The following ADAD1 variants were observed in gnomAD, a reference collection of about 807,000 sequenced individuals.
ADAD1 encodes adenosine deaminase domain containing 1.
Under a neutral mutation model 66.8 loss-of-function variants are expected in ADAD1, and 46 were observed. That is an observed-to-expected ratio of 0.69 (90% CI 0.54 to 0.88). The LOEUF is 0.88. ADAD1 is among the 40% of genes least tolerant of loss of function. The pLI, the probability that ADAD1 is intolerant of heterozygous loss-of-function variation, is 0.00. For synonymous variants in ADAD1, 248 were observed against 229.4 expected (o/e 1.08, Z -0.73); for missense variants, 617 against 681.8 (o/e 0.91, Z 1.06).
chr4:122,398,823 A>AT (rs540968981), intron 7 of ADAD1, among the ~76,000 whole-genome samples: 103 of 144,356 alleles, frequency 7.1e-4, no homozygotes, highest in Middle Eastern at 7.5e-3. Flanking sequence ...TGATGGGATT[A>AT]TTTTTTTTTT....
rs114746992 is a variant in ADAD1, at chr4:122,388,969, A to G, written c.530-4620A>G. On this transcript the variant is annotated intron_variant, in intron 5 of 12. Transcript: ENST00000296513. ...TTTTAATTGATGTTCGGGTATCAAT[A>G]TCAGATCTTTCTAGCTTTCTGATGT... Among the ~76,000 whole-genome samples, 974 of 152,210 alleles carry G rather than the reference A, an allele frequency of 6.4e-3. 4 individuals carry two copies. The highest frequency in any genetic ancestry group is 0.011 in the South Asian group (51 of 4,816).
rs374635047 is a variant in ADAD1 at position 122,407,800 on chromosome 4, T to C, written c.725-108T>C. On this transcript the variant is annotated intron_variant, in intron 7 of 12. Coordinates refer to ENST00000296513, the MANE Select transcript of ADAD1 (RefSeq NM_139243.4). ...ATTGTGGAATTATTTTTTCATCTTT[T>C]CAGTTAATATATTCTACTAAATTAA... 27 of 1,204,754 alleles carry C rather than the reference T, an allele frequency of 2.2e-5. No homozygotes were observed. The East Asian group carries it at 2.4e-4, about 11-fold the overall frequency. The allele number at this position is 1,204,754 out of a possible 1,614,324, so 74.6% of individuals were successfully genotyped here.
At chr4:122,383,492 T>C (rs1301196769) in intron 4 of ADAD1, among the ~76,000 whole-genome samples, 1 of 152,194 alleles carries the variant, frequency 6.6e-6, no homozygotes, top group Non-Finnish European at 1.5e-5. Flanking sequence ...TAGTGGAGTG[T>C]TTACCATTGC....
chr4:122,386,585 G>A (rs1003609014), intron 5 of ADAD1, among the ~76,000 whole-genome samples: 1 of 152,096 alleles, frequency 6.6e-6, no homozygotes, highest in African/African-American at 2.4e-5. Context: ...ATCGCTTTTA[G>A]CATTTTTAAC....
chr4:122,423,993 A>G (rs1238823917), intron 12 of ADAD1, among the ~76,000 whole-genome samples: 2 of 152,146 alleles, frequency 1.3e-5, no homozygotes, highest in African/African-American at 4.8e-5. Context: ...AAATTTTGTG[A>G]CTCGTGAATT....
At chr4:122,421,513 G>A in intron 12 of ADAD1, 123 bp downstream of exon 12, 1 of 935,622 alleles carries the variant, frequency 1.1e-6, no homozygotes, top group Non-Finnish European at 1.4e-6. Flanking sequence ...GATATTACCA[G>A]GTAATGGTAA....
chr4:122,404,366 C>T (rs1471705785), intron 7 of ADAD1, among the ~76,000 whole-genome samples: 1 of 152,118 alleles, frequency 6.6e-6, no homozygotes, highest in Non-Finnish European at 1.5e-5. Context: ...TCCTACAGGG[C>T]TCTTCCCGCT....
At chr4:122,414,904 TTTTG>T (rs1560600866) in intron 10 of ADAD1, among the ~76,000 whole-genome samples, 1 of 152,148 alleles carries the variant, frequency 6.6e-6, no homozygotes, top group Non-Finnish European at 1.5e-5. Context: ...CTTTAAATTA[TTTTG>T]CAGTGTGAAA....
At chr4:122,406,255 A>G (rs1459770628) in intron 7 of ADAD1, among the ~76,000 whole-genome samples, 2 of 152,204 alleles carry the variant, frequency 1.3e-5, no homozygotes, top group Non-Finnish European at 2.9e-5. Context: ...TTTTGATAAT[A>G]GACATCCTAA....
chr4:122,421,820 T>G (rs893043866), intron 12 of ADAD1, among the ~76,000 whole-genome samples: 10 of 152,200 alleles, frequency 6.6e-5, no homozygotes, highest in African/African-American at 2.4e-4. Flanking sequence ...GATTTGAACC[T>G]GATTTAGTAG....
intron 10 of ADAD1, among the ~76,000 whole-genome samples, chr4:122,413,866 A>ATATATATG (rs1553924515): frequency 6.9e-6 from 1 of 145,224 alleles, no homozygotes; most frequent in Non-Finnish European, 1.5e-5. Flanking sequence ...ATATATATAT[A>ATATATATG]TATATATATA....
At chr4:122,407,551 G>A (rs1196196913) in intron 7 of ADAD1, among the ~76,000 whole-genome samples, 1 of 151,936 alleles carries the variant, frequency 6.6e-6, no homozygotes, top group Non-Finnish European at 1.5e-5. Flanking sequence ...ATTTAAGACA[G>A]AAGCAGAATG....
chr4:122,411,442 T>C (rs1796462718), intron 9 of ADAD1, 50 bp downstream of exon 9: 1 of 1,515,232 alleles, frequency 6.6e-7, no homozygotes, highest in Non-Finnish European at 9.0e-7. Context: ...GGCCATGCCA[T>C]ACATTCTGAC....
At chr4:122,426,272 C>T (rs1293355327) in intron 12 of ADAD1, among the ~76,000 whole-genome samples, 1 of 152,046 alleles carries the variant, frequency 6.6e-6, no homozygotes, top group Non-Finnish European at 1.5e-5. Context: ...CCTAGAAAGA[C>T]ACAAATCATA....
chr4:122,386,332 C>T (rs1317040609), intron 5 of ADAD1, among the ~76,000 whole-genome samples: 2 of 152,170 alleles, frequency 1.3e-5, no homozygotes, highest in Non-Finnish European at 2.9e-5. Context: ...TTGTTGGCCG[C>T]ATAAATGTCT....
chr4:122,425,602 A>C (rs1797195330), intron 12 of ADAD1, among the ~76,000 whole-genome samples: 1 of 151,752 alleles, frequency 6.6e-6, no homozygotes, highest in Non-Finnish European at 1.5e-5. Context: ...AAGAAAAGGA[A>C]AAGTAAAAAA....
chr4:122,401,430 G>T (rs1480052053), intron 7 of ADAD1, among the ~76,000 whole-genome samples: 1 of 152,000 alleles, frequency 6.6e-6, no homozygotes, highest in Admixed American at 6.6e-5. Context: ...GGTGTATCTG[G>T]TAGAATATTC....
intron 3 of ADAD1, chr4:122,380,606 T>A: frequency 3.4e-6 from 1 of 295,104 alleles, no homozygotes; most frequent in Non-Finnish European, 6.2e-6. Context: ...TTCGGTGGAA[T>A]CCAGTGAGAA....
chr4:122,397,306 A>G (rs1192148696), intron 7 of ADAD1, among the ~76,000 whole-genome samples: 1 of 152,194 alleles, frequency 6.6e-6, no homozygotes, highest in Non-Finnish European at 1.5e-5. Flanking sequence ...ACAGTGATAG[A>G]CCATGGGCTG....
Sources: allele counts gnomAD v4.1 joint callset (sites outside exome capture counted in the v4.1 genomes callset), GRCh38; gene constraint gnomAD v4.1.1; transcripts MANE v1.5; gene names NCBI Gene and HGNC (gene_info 2026-07-23, HGNC 2026-07-21).